Variants in AFG2A observed in about 807,000 individuals in gnomAD.
AFG2A encodes the protein AAA ATPase AFG2A.
the AFG2A span, among the ~76,000 whole-genome samples, chr4:122,985,403 A>G: frequency 1.3e-5 from 2 of 152,164 alleles, no homozygotes; most frequent in African/African-American, 4.8e-5. Context: ...TGCTGGGATT[A>G]TAGGTGTGAG....
the AFG2A span, among the ~76,000 whole-genome samples, chr4:123,198,585 C>T: frequency 1.3e-5 from 2 of 152,152 alleles, no homozygotes; most frequent in Non-Finnish European, 2.9e-5. Context: ...TAGGACTTAA[C>T]ACAGTCCTAA....
At chr4:122,993,967 C>G in the AFG2A span, among the ~76,000 whole-genome samples, 16 of 152,110 alleles carry the variant, frequency 1.1e-4, no homozygotes, top group East Asian at 2.9e-3. Flanking sequence ...TAGTACTTAG[C>G]ATATGAATAG....
the AFG2A span, among the ~76,000 whole-genome samples, chr4:123,210,239 C>T: frequency 1.3e-5 from 2 of 152,186 alleles, no homozygotes; most frequent in Non-Finnish European, 2.9e-5. Flanking sequence ...TTAAAATCTA[C>T]TGCCTTAGCA....
At chr4:123,165,116 TAAA>T in the AFG2A span, among the ~76,000 whole-genome samples, 2 of 152,138 alleles carry the variant, frequency 1.3e-5, no homozygotes, top group Non-Finnish European at 2.9e-5. Flanking sequence ...CCTTTTAGTG[TAAA>T]AATGACTGAA....
At chr4:123,014,343 T>C in the AFG2A span, among the ~76,000 whole-genome samples, 1 of 152,172 alleles carries the variant, frequency 6.6e-6, no homozygotes, top group Non-Finnish European at 1.5e-5. Context: ...TTTATGCTGT[T>C]GTCATATCTG....
chr4:123,060,156 C>G, the AFG2A span, among the ~76,000 whole-genome samples: 3 of 152,246 alleles, frequency 2.0e-5, no homozygotes, highest in African/African-American at 7.2e-5. Context: ...CAGCCTCCCT[C>G]TGGCTGCTTT....
the AFG2A span, among the ~76,000 whole-genome samples, chr4:123,297,423 A>G: frequency 2.0e-5 from 3 of 152,204 alleles, no homozygotes; most frequent in Non-Finnish European, 4.4e-5. Context: ...GCAAGGTCTA[A>G]GGAAATGGCA....
chr4:123,264,772 A>T, the AFG2A span, among the ~76,000 whole-genome samples: 1 of 152,220 alleles, frequency 6.6e-6, no homozygotes, highest in African/African-American at 2.4e-5. Flanking sequence ...CAAATCATTT[A>T]TCATTTGTAG....
chr4:123,242,978 C>T, the AFG2A span, among the ~76,000 whole-genome samples: 1 of 152,090 alleles, frequency 6.6e-6, no homozygotes, highest in African/African-American at 2.4e-5. Flanking sequence ...TTTATGCAGC[C>T]AACAGACACA....
At chr4:122,934,704 G>A in the AFG2A span, 3 of 1,595,352 alleles carry the variant, frequency 1.9e-6, no homozygotes, top group Non-Finnish European at 2.6e-6. Context: ...TAATTGAATT[G>A]CCCCTCAAAC....
chr4:123,121,626 C>T, the AFG2A span, among the ~76,000 whole-genome samples: 1 of 152,170 alleles, frequency 6.6e-6, no homozygotes, highest in African/African-American at 2.4e-5. Flanking sequence ...ACATGCTGTA[C>T]AGGTTTGTAG....
chr4:123,122,783 T>G, the AFG2A span, among the ~76,000 whole-genome samples: 9 of 149,958 alleles, frequency 6.0e-5, no homozygotes, highest in Admixed American at 2.0e-4. Context: ...GTTTTTTTGT[T>G]TTTTTTTTTT....
At chr4:123,315,681 T>C in the AFG2A span, 7 of 152,184 alleles carry the variant, frequency 4.6e-5, no homozygotes, top group Non-Finnish European at 1.0e-4. Context: ...TTAAACTTGA[T>C]CACTGTAGAT....
the AFG2A span, among the ~76,000 whole-genome samples, chr4:123,122,838 CT>C: frequency 6.7e-6 from 1 of 149,912 alleles, no homozygotes; most frequent in Non-Finnish European, 1.5e-5. Context: ...TCCACATCTG[CT>C]CTTTATCCAC....
At chr4:123,137,050 A>G in the AFG2A span, among the ~76,000 whole-genome samples, 1 of 152,154 alleles carries the variant, frequency 6.6e-6, no homozygotes, top group Admixed American at 6.5e-5. Flanking sequence ...TAAGGAGCAC[A>G]CAACGTAGAT....
the AFG2A span, among the ~76,000 whole-genome samples, chr4:123,055,162 T>C: frequency 2.0e-5 from 3 of 152,200 alleles, no homozygotes; most frequent in African/African-American, 7.2e-5. Flanking sequence ...GTATTCATTG[T>C]ATGTAATTTA....
At chr4:123,249,841 T>TTTAGTTGGATTTAGAGGAA in the AFG2A span, among the ~76,000 whole-genome samples, 1 of 152,200 alleles carries the variant, frequency 6.6e-6, no homozygotes, top group Non-Finnish European at 1.5e-5. Flanking sequence ...GCCAGGTCTA[T>TTTAGTTGGATTTAGAGGAA]GCATTAGTTG....
the AFG2A span, among the ~76,000 whole-genome samples, chr4:123,147,635 T>C: frequency 1.3e-5 from 2 of 152,334 alleles, no homozygotes; most frequent in African/African-American, 4.8e-5. Context: ...CTCTGTACTT[T>C]ATTCCACAAA....
the AFG2A span, among the ~76,000 whole-genome samples, chr4:122,988,961 G>T: frequency 2.0e-5 from 3 of 152,098 alleles, no homozygotes; most frequent in South Asian, 6.2e-4. Flanking sequence ...CAGAATTTCT[G>T]TTTGGTTCTT....
Sources: gnomAD v4.1 joint callset for allele counts (sites outside exome capture counted in the v4.1 genomes callset) on GRCh38, gnomAD v4.1.1 for gene constraint, MANE v1.5 for transcripts, NCBI Gene and HGNC (gene_info 2026-07-23, HGNC 2026-07-21) for gene names.